Variants in RBBP8 observed in about 807,000 individuals in gnomAD.
RBBP8 encodes the protein DNA endonuclease RBBP8.
A neutral mutation model predicts 108.3 loss-of-function variants in RBBP8; 88 were observed. The ratio of observed to expected loss-of-function variants is 0.81; its 90% CI spans 0.68 to 0.97. The LOEUF (loss-of-function observed/expected upper bound fraction) is 0.97. Ranked by LOEUF, RBBP8 falls within the 50% of genes least tolerant of loss-of-function variation. RBBP8 has a pLI of 0.00. For synonymous variants in RBBP8, 332 were observed against 348.2 expected (o/e 0.95, Z 0.52); for missense variants, 1,023 against 1,049.0 (o/e 0.98, Z 0.34).
chr18:22,958,779 C>T (rs1435883587), intron 4 of RBBP8, among the ~76,000 whole-genome samples: 2 of 152,130 alleles, frequency 1.3e-5, no homozygotes, highest in Non-Finnish European at 2.9e-5. Flanking sequence ...TAGGCTCAGA[C>T]CATCCTCCCA....
In RBBP8 at chr18:22,984,906, T is replaced by A. The variant is rs1311227044; in HGVS notation, c.625T>A (p.Ser209Thr). The change falls in exon 8 of 19, where the codon TCT (serine) becomes ACT (threonine). Residue 209 changes from serine to threonine, a missense_variant. Coordinates refer to ENST00000327155, the MANE Select transcript of RBBP8 (RefSeq NM_002894.3). ...CANEMRKVSKSSTHPQHNPNE... is the reference protein window; with the variant it reads ...CANEMRKVSKTSTHPQHNPNE... ...CTTAGAAATGAGAAAAGTTTCCAAG[T>A]CTTCAACTCATCCACAACATAATCC... The A allele has an allele frequency of 6.2e-7, 1 of 1,606,680 alleles. No individual in the cohort carries two copies. The highest frequency in any genetic ancestry group is 1.3e-5 in the African/African-American group (1 of 74,768).
At chr18:22,943,224 C>A (rs1174567654) in intron 2 of RBBP8, among the ~76,000 whole-genome samples, 1 of 150,866 alleles carries the variant, frequency 6.6e-6, no homozygotes, top group Non-Finnish European at 1.5e-5. Flanking sequence ...TTACTTGAGT[C>A]CGGGAGTCTG....
chr18:22,916,036 G>A (rs541204864), intron 2 of RBBP8, among the ~76,000 whole-genome samples: 2 of 152,018 alleles, frequency 1.3e-5, no homozygotes, highest in South Asian at 2.1e-4. Context: ...GATACATTGC[G>A]ATATTTTTGT....
intron 8 of RBBP8, among the ~76,000 whole-genome samples, chr18:22,986,807 CTGTT>C (rs1197710411): frequency 6.6e-6 from 1 of 152,198 alleles, no homozygotes; most frequent in South Asian, 2.1e-4. Flanking sequence ...ACATGTGTGT[CTGTT>C]TGTCTGTCCA....
chr18:22,921,387 T>C (rs1909587562), intron 3 of RBBP8, among the ~76,000 whole-genome samples: 1 of 152,162 alleles, frequency 6.6e-6, no homozygotes, highest in Non-Finnish European at 1.5e-5. Flanking sequence ...AGTTGCCGCA[T>C]GGGTTGCTAA....
chr18:23,019,907 GC>G (rs2046320970), intron 17 of RBBP8, among the ~76,000 whole-genome samples: 1 of 151,168 alleles, frequency 6.6e-6, no homozygotes, highest in South Asian at 2.1e-4. Flanking sequence ...GACTACAGGC[GC>G]CTGCCACCAC....
chr18:22,980,555 TA>T (rs1205289408), intron 6 of RBBP8, among the ~76,000 whole-genome samples: 1 of 151,756 alleles, frequency 6.6e-6, no homozygotes, highest in Non-Finnish European at 1.5e-5. Flanking sequence ...GAGTAGAGTA[TA>T]ATAGGAAAAA....
chr18:22,939,349 A>C (rs1251543111), intron 2 of RBBP8, among the ~76,000 whole-genome samples: 1 of 152,134 alleles, frequency 6.6e-6, no homozygotes, highest in Admixed American at 6.5e-5. Context: ...TCTACTAAAA[A>C]TACAAAATTA....
At chr18:22,927,658 T>C (rs1909841706) in intron 3 of RBBP8, among the ~76,000 whole-genome samples, 1 of 152,166 alleles carries the variant, frequency 6.6e-6, no homozygotes. Flanking sequence ...ATTGATTACA[T>C]GTTTAAATAA....
At chr18:22,969,887 CATTT>C (rs1341896499) in intron 5 of RBBP8, among the ~76,000 whole-genome samples, 1 of 152,278 alleles carries the variant, frequency 6.6e-6, no homozygotes, top group East Asian at 1.9e-4. Context: ...CGTGTGCATA[CATTT>C]ATTTAGGAAT....
At chr18:22,971,272 T>C (rs1479407380) in intron 5 of RBBP8, among the ~76,000 whole-genome samples, 1 of 152,182 alleles carries the variant, frequency 6.6e-6, no homozygotes, top group Non-Finnish European at 1.5e-5. Flanking sequence ...ATTTCTGAGG[T>C]CTTTCATTAG....
chr18:22,944,625 CA>C (rs1265409333), intron 2 of RBBP8, among the ~76,000 whole-genome samples: 1 of 152,174 alleles, frequency 6.6e-6, no homozygotes, highest in Non-Finnish European at 1.5e-5. Flanking sequence ...TTATCTGTAA[CA>C]TTTTTTTCAC....
chr18:22,993,339 G>A lies in RBBP8; in HGVS notation c.1512G>A (p.Glu504=). The A allele has an allele frequency of 6.2e-7, 1 of 1,614,212 alleles. No homozygotes were observed. Among genetic ancestry groups the A allele is most frequent in the East Asian group, 2.2e-5 (1 of 44,890 alleles). Residue 504 remains glutamate (E), a synonymous_variant, in exon 11 of 19, where the codon GAG becomes GAA. Transcript: ENST00000327155. ...GATTTTCAGCTATTCAGCGTCAAGA[G>A]AAAAGCCAAGGAAGTGAGACTTCTA... ...SDRFSAIQRQ[E]KSQGSETSKN... is the part of the protein sequence containing the mutation.
In RBBP8 at chr18:22,938,064, C is replaced by G. The variant is rs182650221; in HGVS notation, c.109+1104C>G. ...CTGGTCTTGAACTTCTGGGCTCAAG[C>G]AGTCCACTGGCCTCAGCCTCCCAAA... On this transcript the variant is annotated intron_variant, in intron 2 of 18. Transcript: ENST00000327155. Among the ~76,000 whole-genome samples the G allele has an allele frequency of 4.2e-3, 640 of 151,330 alleles. 3 individuals are homozygous for G. Among genetic ancestry groups the G allele is most frequent in the Non-Finnish European group, 7.6e-3 (512 of 67,788 alleles).
At chr18:22,972,414 T>TA in intron 5 of RBBP8, among the ~76,000 whole-genome samples, 1 of 148,872 alleles carries the variant, frequency 6.7e-6, no homozygotes, top group African/African-American at 2.5e-5. Flanking sequence ...CTTGTTTATT[T>TA]CTTTTTTTTT....
chr18:22,999,040 G>A (rs1394858762), intron 14 of RBBP8, among the ~76,000 whole-genome samples: 1 of 152,102 alleles, frequency 6.6e-6, no homozygotes, highest in African/African-American at 2.4e-5. Flanking sequence ...TCTAAAGTAT[G>A]ACCACTTTAA....
chr18:22,961,133 G>A (rs573354806), intron 4 of RBBP8, among the ~76,000 whole-genome samples: 24 of 152,314 alleles, frequency 1.6e-4, no homozygotes, highest in Non-Finnish European at 3.4e-4. Flanking sequence ...AGCATTATAT[G>A]TATGTGACCA....
chr18:23,022,581 G>A (rs1158924199), intron 18 of RBBP8, among the ~76,000 whole-genome samples: 3 of 96,628 alleles, frequency 3.1e-5, no homozygotes, highest in Middle Eastern at 5.7e-3. Flanking sequence ...CAGCCTGGGC[G>A]ACAGAACAAG....
At chr18:22,962,222 C>T (rs1913164526) in intron 4 of RBBP8, among the ~76,000 whole-genome samples, 1 of 152,038 alleles carries the variant, frequency 6.6e-6, no homozygotes, top group East Asian at 1.9e-4. Flanking sequence ...CCTCAGTACC[C>T]TTCTGACTTT....
Sources: gnomAD v4.1 joint callset for allele counts (sites outside exome capture counted in the v4.1 genomes callset) on GRCh38, gnomAD v4.1.1 for gene constraint, MANE v1.5 for transcripts, NCBI Gene and HGNC (gene_info 2026-07-23, HGNC 2026-07-21) for gene names.